The following GALNT14 variants were observed in gnomAD, a reference collection of about 807,000 sequenced individuals.
GALNT14 encodes UDP-GalNAc:polypeptide N-acetylgalactosaminyltransferase 14.
In GALNT14, 60 loss-of-function variants were observed where a neutral mutation model predicts 77.5. The observed-to-expected ratio is 0.77, with a 90% CI of 0.63 to 0.96. The LOEUF is 0.96. Among genes scored for constraint, GALNT14 ranks in the 40% least tolerant of loss-of-function variants. The pLI is 0.00. For synonymous variants in GALNT14, 280 were observed against 281.7 expected (o/e 0.99, Z 0.06); for missense variants, 710 against 731.0 (o/e 0.97, Z 0.33).
downstream of GALNT14, among the ~76,000 whole-genome samples, chr2:30,910,273 G>A (rs2148191394): frequency 6.6e-6 from 1 of 152,088 alleles, no homozygotes; most frequent in South Asian, 2.1e-4. Flanking sequence ...AACAGGAAAT[G>A]GTGGGTCAAA....
At chr2:31,092,141 G>T (rs1676776760) in intron 1 of GALNT14, among the ~76,000 whole-genome samples, 1 of 152,046 alleles carries the variant, frequency 6.6e-6, no homozygotes, top group African/African-American at 2.4e-5. Flanking sequence ...TGCACCGTTG[G>T]CTTCCCTACT....
At chr2:30,901,596 A>G in the GALNT14 span, among the ~76,000 whole-genome samples, 3,240 of 151,820 alleles carry the variant, frequency 0.021, 49 homozygotes, top group Non-Finnish European at 0.032. Context: ...GTATATATAT[A>G]TGTGTGTGTA....
chr2:31,006,021 C>T (rs1397548877), intron 1 of GALNT14, among the ~76,000 whole-genome samples: 2 of 152,118 alleles, frequency 1.3e-5, no homozygotes, highest in Non-Finnish European at 2.9e-5. Flanking sequence ...ACCCCATACT[C>T]CGAGGAACCT....
intron 2 of GALNT14, among the ~76,000 whole-genome samples, chr2:30,966,898 T>C (rs1180853946): frequency 2.6e-5 from 4 of 152,238 alleles, no homozygotes; most frequent in African/African-American, 7.2e-5. Context: ...GATTATTTCC[T>C]ATGACAATTA....
chr2:31,099,702 A>G (rs1677171602), intron 1 of GALNT14, among the ~76,000 whole-genome samples: 2 of 152,038 alleles, frequency 1.3e-5, no homozygotes, highest in African/African-American at 4.8e-5. Context: ...CTAAATGATC[A>G]TATGCATTTG....
chr2:30,995,994 G>A (rs1243515644), intron 1 of GALNT14, among the ~76,000 whole-genome samples: 1 of 152,228 alleles, frequency 6.6e-6, no homozygotes, highest in Non-Finnish European at 1.5e-5. Flanking sequence ...AAAGACATCA[G>A]CAGGAGGAAT....
intron 1 of GALNT14, among the ~76,000 whole-genome samples, chr2:31,137,564 CA>C (rs1679280421): frequency 1.3e-5 from 2 of 152,140 alleles, no homozygotes; most frequent in African/African-American, 4.8e-5. Flanking sequence ...GAGGTCAGCG[CA>C]GCCGCCACAC....
rs375698800 is a variant in GALNT14 at position 31,072,375 on chromosome 2, CTTTT to C, written c.129+65579_129+65582del. ...TCAAAATTTTTGTCTCTCTTGCTCT[CTTTT>C]TTTTTCTTTTGTTCCCTCATTGCTT... On this transcript the variant is annotated intron_variant, in intron 1 of 14. Coordinates refer to ENST00000349752, the MANE Select transcript of GALNT14 (RefSeq NM_024572.4). 2.0e-5 allele frequency among the ~76,000 whole-genome samples: 3 copies of C among 150,762 alleles called. No individual in the cohort carries two copies. The East Asian group carries it at 5.9e-4, about 30-fold the overall frequency.
intron 1 of GALNT14, among the ~76,000 whole-genome samples, chr2:31,117,694 A>G (rs1241974577): frequency 6.6e-6 from 1 of 152,240 alleles, no homozygotes; most frequent in Non-Finnish European, 1.5e-5. Flanking sequence ...CAAAATGGAT[A>G]CTACCCAAAC....
intron 1 of GALNT14, among the ~76,000 whole-genome samples, chr2:31,071,653 C>T (rs1479003675): frequency 6.6e-6 from 1 of 152,122 alleles, no homozygotes; most frequent in East Asian, 1.9e-4. Flanking sequence ...AGGAATCTGC[C>T]CCCCGGTTTC....
intron 2 of GALNT14, among the ~76,000 whole-genome samples, chr2:30,979,215 G>A (rs991647823): frequency 6.6e-6 from 1 of 152,202 alleles, no homozygotes; most frequent in Non-Finnish European, 1.5e-5. Context: ...CCAGACGAGA[G>A]GGGGCAGCGG....
intron 8 of GALNT14, among the ~76,000 whole-genome samples, chr2:30,942,787 C>G (rs1666459178): frequency 6.6e-6 from 1 of 152,180 alleles, no homozygotes; most frequent in African/African-American, 2.4e-5. Context: ...ACTGGGCTCT[C>G]TCTCCTTTTT....
intron 11 of GALNT14, among the ~76,000 whole-genome samples, chr2:30,926,674 C>A (rs1049743781): frequency 1.3e-5 from 2 of 151,288 alleles, no homozygotes; most frequent in African/African-American, 2.4e-5. Context: ...ACCAAGCAAG[C>A]AGTGCCTAGC....
At chr2:31,112,608 C>T (rs1352346601) in intron 1 of GALNT14, among the ~76,000 whole-genome samples, 1 of 152,212 alleles carries the variant, frequency 6.6e-6, no homozygotes, top group Non-Finnish European at 1.5e-5. Flanking sequence ...CAGTCCTTCT[C>T]ATTGGAAAGG....
chr2:31,020,073 G>T (rs1009102391), intron 1 of GALNT14, among the ~76,000 whole-genome samples: 8 of 152,082 alleles, frequency 5.3e-5, no homozygotes, highest in African/African-American at 1.7e-4. Context: ...GCACACCCTG[G>T]CTTATCTCAG....
At chr2:31,044,752 T>C (rs1673326136) in intron 1 of GALNT14, among the ~76,000 whole-genome samples, 1 of 50,638 alleles carries the variant, frequency 2.0e-5, no homozygotes, top group South Asian at 7.1e-4. Context: ...ATTCCATCTC[T>C]ACAAAAATAC....
At chr2:30,920,158 AG>A (rs1664944243) in intron 13 of GALNT14, among the ~76,000 whole-genome samples, 1 of 152,206 alleles carries the variant, frequency 6.6e-6, no homozygotes, top group Admixed American at 6.5e-5. Context: ...AGCATCAGCA[AG>A]AGCAGAGCTA....
chr2:30,972,800 C>G (rs1256232789), intron 2 of GALNT14, among the ~76,000 whole-genome samples: 2 of 152,152 alleles, frequency 1.3e-5, no homozygotes, highest in South Asian at 2.1e-4. Context: ...AGCGACCTGT[C>G]CAGGAGGGAG....
intron 1 of GALNT14, among the ~76,000 whole-genome samples, chr2:31,030,519 G>A (rs148457427): frequency 9.1e-4 from 139 of 152,264 alleles, no homozygotes; most frequent in Non-Finnish European, 1.3e-3. Flanking sequence ...AGACTGTCAC[G>A]CATGGTCTCA....
Sources: gnomAD v4.1 joint callset for allele counts (sites outside exome capture counted in the v4.1 genomes callset) on GRCh38, gnomAD v4.1.1 for gene constraint, MANE v1.5 for transcripts, NCBI Gene and HGNC (gene_info 2026-07-23, HGNC 2026-07-21) for gene names.